ZDHHC11B: variants seen among roughly 807,000 people sequenced by gnomAD.
The protein encoded by ZDHHC11B is zDHHC palmitoyltransferase 11B (putative), also known as probable palmitoyltransferase ZDHHC11B.
ZDHHC11B carries 17 observed loss-of-function variants against 42.3 expected under a neutral mutation model. That is an observed-to-expected ratio of 0.40 (90% CI 0.27 to 0.60). The LOEUF is 0.60. Ranked by LOEUF, ZDHHC11B falls within the 20% of genes least tolerant of loss-of-function variation. The probability of loss-of-function intolerance (pLI) is 0.41; values close to 1 mark genes in which losing one functional copy is unlikely to be tolerated. For synonymous variants in ZDHHC11B, 123 were observed against 193.5 expected (o/e 0.64, Z 3.02); for missense variants, 262 against 463.2 (o/e 0.57, Z 3.99).
At chr5:753,343 C>T (rs1226462639) in intron 6 of ZDHHC11B, among the ~76,000 whole-genome samples, 3 of 130,672 alleles carry the variant, frequency 2.3e-5, no homozygotes, top group Non-Finnish European at 3.4e-5. Flanking sequence ...GGCACAGATG[C>T]CGGCGTTGGC....
intron 9 of ZDHHC11B, among the ~76,000 whole-genome samples, chr5:743,348 A>T: frequency 6.7e-6 from 1 of 148,782 alleles, no homozygotes; most frequent in Non-Finnish European, 1.5e-5. Context: ...TAAGTTCTCC[A>T]ATTTTATTTT....
chr5:774,198 G>C (rs1245281155), intron 1 of ZDHHC11B, among the ~76,000 whole-genome samples: 9 of 152,100 alleles, frequency 5.9e-5, no homozygotes, highest in Non-Finnish European at 1.0e-4. Context: ...TTGTCAGAAT[G>C]AATCTCCTGG....
chr5:725,834 G>A (rs1272936193), intron 12 of ZDHHC11B, among the ~76,000 whole-genome samples: 222 of 152,062 alleles, frequency 1.5e-3, no homozygotes, highest in Non-Finnish European at 2.3e-3. Context: ...GGGAGGCTGC[G>A]TGAGTGCTCA....
At chr5:729,549 A>AGT (rs33925921) in intron 12 of ZDHHC11B, among the ~76,000 whole-genome samples, 93,110 of 144,582 alleles carry the variant, frequency 0.64, 27,164 homozygotes, top group African/African-American at 0.84. Flanking sequence ...ACTGTGTGCG[A>AGT]GTGTGTGTGT....
chr5:757,412 G>C (rs1734016880), intron 4 of ZDHHC11B, among the ~76,000 whole-genome samples: 1 of 151,956 alleles, frequency 6.6e-6, no homozygotes, highest in East Asian at 1.9e-4. Flanking sequence ...GGGGGCTGCT[G>C]TCCCTCCTGA....
chr5:777,676 C>T (rs1167669286), intron 1 of ZDHHC11B, among the ~76,000 whole-genome samples: 1 of 151,956 alleles, frequency 6.6e-6, no homozygotes, highest in Non-Finnish European at 1.5e-5. Flanking sequence ...TCCATTTTGA[C>T]AGAGTGCTGA....
chr5:774,079 C>T (rs190867102), intron 1 of ZDHHC11B, among the ~76,000 whole-genome samples: 11 of 151,984 alleles, frequency 7.2e-5, no homozygotes, highest in South Asian at 6.2e-4. Context: ...TCCAAGGACT[C>T]GGCCACCTAG....
chr5:733,846 G>A lies in ZDHHC11B; in HGVS notation c.936-7C>T, dbSNP rs1237831013. On this transcript the variant is annotated splice_polypyrimidine_tract_variant and splice_region_variant and intron_variant, in intron 10 of 13. Transcript: ENST00000508859. Reference sequence around the variant, plus strand: ...GGAGCTCTTGGCCTTGACTCTGGTGGGACAGGAAGGAGGAGAGAAACTCAT... The same window carrying A: ...GGAGCTCTTGGCCTTGACTCTGGTGAGACAGGAAGGAGGAGAGAAACTCAT... 1.2e-6 allele frequency: 2 copies of A among 1,603,610 alleles called. No homozygotes were observed. The highest frequency in any genetic ancestry group is 1.7e-6 in the Non-Finnish European group (2 of 1,176,056).
At chr5:724,900 G>A (rs1742458604) in intron 12 of ZDHHC11B, among the ~76,000 whole-genome samples, 1 of 147,806 alleles carries the variant, frequency 6.8e-6, no homozygotes, top group Admixed American at 6.8e-5. Flanking sequence ...ACTCTGGTCT[G>A]CCGCATTTCA....
intron 1 of ZDHHC11B, among the ~76,000 whole-genome samples, chr5:777,732 C>T (rs933092099): frequency 6.6e-6 from 1 of 151,932 alleles, no homozygotes; most frequent in Non-Finnish European, 1.5e-5. Flanking sequence ...GTTCTCCAAG[C>T]CCCCACTCCA....
intron 13 of ZDHHC11B, 74 bp from the exon 14 acceptor site, chr5:712,356 C>T (rs1390746751): frequency 6.9e-6 from 1 of 145,622 alleles, no homozygotes; most frequent in Non-Finnish European, 1.5e-5. Context: ...GATGGAAACC[C>T]ACCGGTGGCT....
chr5:713,445 T>C (rs1185023946), intron 13 of ZDHHC11B, among the ~76,000 whole-genome samples: 2 of 152,082 alleles, frequency 1.3e-5, no homozygotes, highest in Non-Finnish European at 2.9e-5. Context: ...AATATTTATG[T>C]CTGTTTCTAC....
intron 13 of ZDHHC11B, among the ~76,000 whole-genome samples, chr5:716,532 G>C (rs1312171774): frequency 6.6e-6 from 1 of 151,768 alleles, no homozygotes; most frequent in African/African-American, 2.4e-5. Context: ...TTAAAGGCAA[G>C]TATGGAAATG....
In ZDHHC11B at chr5:762,688, A is replaced by C. The variant is rs547926443; in HGVS notation, c.222+4010T>G. ...GTGCTCACAGAAAATACATAGCTTT[A>C]AACACACATTAAAAAGTAAGAAAGG... On this transcript the variant is annotated intron_variant, in intron 4 of 13. Coordinates refer to ENST00000508859, the MANE Select transcript of ZDHHC11B (RefSeq NM_001351303.2). Among the ~76,000 whole-genome samples the C allele has an allele frequency of 7.9e-5, 12 of 151,936 alleles. 2 individuals carry two copies. The highest frequency in any genetic ancestry group is 7.2e-4 in the Admixed American group (11 of 15,224).
intron 13 of ZDHHC11B, among the ~76,000 whole-genome samples, chr5:714,491 A>ATT (rs1350966956): frequency 8.2e-6 from 1 of 122,144 alleles, no homozygotes; most frequent in African/African-American, 3.9e-5. Flanking sequence ...TTAGTGGTGA[A>ATT]TATTTTTTTT....
chr5:777,896 G>A (rs963169675), intron 1 of ZDHHC11B, among the ~76,000 whole-genome samples: 5 of 151,556 alleles, frequency 3.3e-5, no homozygotes, highest in South Asian at 2.1e-4. Context: ...CCCCAGCACC[G>A]AGGGAGCCCG....
intron 12 of ZDHHC11B, among the ~76,000 whole-genome samples, chr5:722,924 T>A (rs918669683): frequency 4.0e-5 from 6 of 151,606 alleles, no homozygotes; most frequent in Non-Finnish European, 8.8e-5. Context: ...ATGTCCTTTC[T>A]GTTAAAAAAA....
chr5:719,201 C>A (rs374815880), intron 12 of ZDHHC11B, among the ~76,000 whole-genome samples: 3 of 151,692 alleles, frequency 2.0e-5, no homozygotes, highest in East Asian at 1.9e-4. Flanking sequence ...GGAGGAGAAG[C>A]ACTTGATTTT....
chr5:777,566 G>A (rs979314421), intron 1 of ZDHHC11B, among the ~76,000 whole-genome samples: 2 of 151,928 alleles, frequency 1.3e-5, no homozygotes, highest in East Asian at 1.9e-4. Flanking sequence ...AGGGCGTTCC[G>A]GCTACCCGCT....
Sources: gnomAD v4.1 joint callset for allele counts (sites outside exome capture counted in the v4.1 genomes callset) on GRCh38, gnomAD v4.1.1 for gene constraint, MANE v1.5 for transcripts, NCBI Gene and HGNC (gene_info 2026-07-23, HGNC 2026-07-21) for gene names.